The following TAFA5 variants were observed in gnomAD, a reference collection of about 807,000 sequenced individuals.
The protein encoded by TAFA5 is TAFA chemokine like family member 5, also known as chemokine-like protein TAFA-5.
In TAFA5, 6 loss-of-function variants were observed where a neutral mutation model predicts 15.3. That is an observed-to-expected ratio of 0.39 (90% CI 0.21 to 0.77). The LOEUF (loss-of-function observed/expected upper bound fraction) is 0.77. TAFA5 is among the 30% of genes least tolerant of loss of function. TAFA5 has a pLI of 0.41. For missense variants in TAFA5, 161 were observed against 193.1 expected, an observed-to-expected ratio of 0.83 and a Z score of 0.98; for synonymous variants, 103 against 80.7, an observed-to-expected ratio of 1.28 and a Z score of -1.48.
intron 2 of TAFA5, among the ~76,000 whole-genome samples, chr22:48,658,772 C>T (rs370489951): frequency 3.9e-5 from 6 of 152,174 alleles, no homozygotes; most frequent in Admixed American, 1.3e-4. Flanking sequence ...AGACCTAGGG[C>T]GTCGACGTGT....
At chr22:48,518,942 G>A (rs911464928) in intron 1 of TAFA5, among the ~76,000 whole-genome samples, 1 of 152,122 alleles carries the variant, frequency 6.6e-6, no homozygotes, top group African/African-American at 2.4e-5. Flanking sequence ...GCGGCCGGCG[G>A]TCCCCCAGCT....
chr22:48,710,157 G>A (rs1008475322), intron 3 of TAFA5, among the ~76,000 whole-genome samples: 1 of 152,038 alleles, frequency 6.6e-6, no homozygotes, highest in African/African-American at 2.4e-5. Context: ...CTCTGCAGCC[G>A]CTCCTGCCCA....
intron 1 of TAFA5, among the ~76,000 whole-genome samples, chr22:48,535,243 A>C (rs1922114659): frequency 6.6e-6 from 1 of 152,058 alleles, no homozygotes; most frequent in African/African-American, 2.4e-5. Context: ...TGACTCTTAA[A>C]AGTGTGTCTT....
chr22:48,531,341 G>C (rs980501390), intron 1 of TAFA5, among the ~76,000 whole-genome samples: 1 of 152,174 alleles, frequency 6.6e-6, no homozygotes, highest in Non-Finnish European at 1.5e-5. Context: ...TGAAAGCTCT[G>C]GGGCACCGGC....
At chr22:48,593,906 G>A (rs765736506) in intron 1 of TAFA5, among the ~76,000 whole-genome samples, 3 of 152,240 alleles carry the variant, frequency 2.0e-5, no homozygotes, top group Non-Finnish European at 4.4e-5. Context: ...AGAGTGCACG[G>A]CGCTGCAGCC....
chr22:48,584,959 C>T (rs1924285714), intron 1 of TAFA5, among the ~76,000 whole-genome samples: 2 of 147,146 alleles, frequency 1.4e-5, no homozygotes, highest in African/African-American at 5.1e-5. Context: ...CACACACACA[C>T]CACACAGAAA....
intron 1 of TAFA5, chr22:48,576,656 G>T: frequency 1.3e-5 from 16 of 1,236,102 alleles, no homozygotes; most frequent in Non-Finnish European, 1.6e-5. Context: ...CTTCCAGCAC[G>T]TTCCGCTGCC....
At chr22:48,506,844 A>G (rs887366557) in intron 1 of TAFA5, among the ~76,000 whole-genome samples, 2 of 152,148 alleles carry the variant, frequency 1.3e-5, no homozygotes, top group African/African-American at 2.4e-5. Context: ...CACCAAATTC[A>G]TCAACATCCC....
chr22:48,521,306 A>C (rs1197078423), intron 1 of TAFA5, among the ~76,000 whole-genome samples: 2 of 152,126 alleles, frequency 1.3e-5, no homozygotes, highest in Non-Finnish European at 2.9e-5. Context: ...TTGCAACATC[A>C]AACAGTGAGG....
rs192982965 is a variant in TAFA5, at chr22:48,683,713, G to A, written c.263-24004G>A. Among the ~76,000 whole-genome samples the A allele has an allele frequency of 3.6e-3, 541 of 152,328 alleles. 3 individuals are homozygous for A. The highest frequency in any genetic ancestry group is 0.012 in the African/African-American group (513 of 41,578). ...CTTTCAAACTTGTCATTGGCAATAC[G>A]GTTTGGCTCTGTGTTCACACCCAAA... On this transcript the variant is annotated intron_variant, in intron 2 of 3. Coordinates refer to ENST00000402357, the MANE Select transcript of TAFA5 (RefSeq NM_001082967.3).
At chr22:48,643,247 C>T (rs1052865193) in intron 1 of TAFA5, among the ~76,000 whole-genome samples, 2 of 152,234 alleles carry the variant, frequency 1.3e-5, no homozygotes, top group African/African-American at 4.8e-5. Flanking sequence ...GTGCGTGGCT[C>T]GCTGTGGCGA....
intron 1 of TAFA5, among the ~76,000 whole-genome samples, chr22:48,641,560 C>G (rs1279470227): frequency 6.7e-6 from 1 of 149,078 alleles, no homozygotes; most frequent in Non-Finnish European, 1.5e-5. Context: ...CACACGATGC[C>G]CTCCCCTTCC....
chr22:48,711,795 C>G (rs188145382), intron 3 of TAFA5, among the ~76,000 whole-genome samples: 39 of 152,324 alleles, frequency 2.6e-4, no homozygotes, highest in African/African-American at 8.9e-4. Flanking sequence ...CAGGCAGCCA[C>G]CCGCTCCCAG....
At chr22:48,619,186 C>A (rs183133170) in intron 1 of TAFA5, among the ~76,000 whole-genome samples, 172 of 152,272 alleles carry the variant, frequency 1.1e-3, no homozygotes, top group African/African-American at 3.9e-3. Flanking sequence ...ACATCTCTGC[C>A]CATGGTCAGT....
At chr22:48,499,322 A>G (rs1920940895) in intron 1 of TAFA5, among the ~76,000 whole-genome samples, 1 of 152,000 alleles carries the variant, frequency 6.6e-6, no homozygotes, top group Admixed American at 6.6e-5. Flanking sequence ...TGCTTGTTTC[A>G]TTACGCCTGC....
chr22:48,654,623 T>C (rs8142256), intron 2 of TAFA5, among the ~76,000 whole-genome samples: 76,781 of 152,050 alleles, frequency 0.5, 20,044 homozygotes, highest in Non-Finnish European at 0.57. Context: ...CTCCCGGCAC[T>C]GACTTTCCCA....
intron 1 of TAFA5, among the ~76,000 whole-genome samples, chr22:48,584,151 C>T (rs895965143): frequency 3.4e-5 from 5 of 147,828 alleles, no homozygotes; most frequent in African/African-American, 1.3e-4. Context: ...CCCCACAAAA[C>T]ATCACATACA....
intron 1 of TAFA5, among the ~76,000 whole-genome samples, chr22:48,556,345 T>A (rs916423022): frequency 2.0e-5 from 3 of 152,206 alleles, no homozygotes; most frequent in Admixed American, 6.5e-5. Flanking sequence ...TGTGGCTGCA[T>A]CTCCATCCTG....
intron 1 of TAFA5, among the ~76,000 whole-genome samples, chr22:48,539,690 A>C (rs1033628891): frequency 6.6e-6 from 1 of 152,198 alleles, no homozygotes; most frequent in Non-Finnish European, 1.5e-5. Context: ...CAAATGAAGA[A>C]ATATCCAGCA....
Sources: gnomAD v4.1 joint callset for allele counts (sites outside exome capture counted in the v4.1 genomes callset) on GRCh38, gnomAD v4.1.1 for gene constraint, MANE v1.5 for transcripts, NCBI Gene and HGNC (gene_info 2026-07-23, HGNC 2026-07-21) for gene names.